The following SF3A3 variants were observed in gnomAD, a reference collection of about 807,000 sequenced individuals.
The protein encoded by SF3A3 is SAP 61.
In SF3A3, 9 loss-of-function variants were observed where a neutral mutation model predicts 85.8. The ratio of observed to expected loss-of-function variants is 0.10; its 90% CI spans 0.06 to 0.18. The LOEUF (loss-of-function observed/expected upper bound fraction) is 0.18, where lower values mean the gene tolerates loss of function less well. Ranked by LOEUF, SF3A3 falls within the 10% of genes least tolerant of loss-of-function variation. The probability of loss-of-function intolerance (pLI) is 1.00; values close to 1 mark genes in which losing one functional copy is unlikely to be tolerated. For missense variants in SF3A3, 306 were observed against 593.3 expected (o/e 0.52, Z 5.03); for synonymous variants, 195 against 204.4 (o/e 0.95, Z 0.39).
intron 16 of SF3A3, among the ~76,000 whole-genome samples, chr1:37,959,654 T>C (rs896128144): frequency 6.6e-6 from 1 of 152,050 alleles, no homozygotes; most frequent in African/African-American, 2.4e-5. Flanking sequence ...TCTCGGCTCA[T>C]GCAACCTCTA....
intron 8 of SF3A3, 102 bp from the exon 9 acceptor site, chr1:37,979,635 T>G: frequency 1.3e-6 from 1 of 757,524 alleles, no homozygotes; most frequent in Non-Finnish European, 2.2e-6. Context: ...ATAGGTGAAT[T>G]GCTTGAGTTC....
chr1:37,979,509 G>T lies in SF3A3; in HGVS notation c.715C>A (p.His239Asn). The T allele has an allele frequency of 6.2e-7, 1 of 1,613,030 alleles. No homozygotes were observed. ...WPKETSSALT[H>N]AGAHLDLSAF... is the part of the protein sequence containing the mutation. ...GAGAGGTCAAGATGGGCTCCAGCAT[G>T]GGTCAGGGCACTGCTTGTCTCTTTC... The change falls in exon 9 of 17, where the codon CAT becomes AAT. Residue 239 changes from histidine to asparagine, a missense_variant. This residue lies in a region of SF3A3 where 136 missense variants were observed against 296.6 expected (regional missense o/e 0.46). Transcript: ENST00000373019.
intron 15 of SF3A3, among the ~76,000 whole-genome samples, chr1:37,965,493 C>T (rs565679155): frequency 3.2e-4 from 49 of 152,248 alleles, no homozygotes; most frequent in Non-Finnish European, 5.3e-4. Flanking sequence ...GGGGATCACG[C>T]CTGCAATCCC....
intron 12 of SF3A3, among the ~76,000 whole-genome samples, chr1:37,974,342 G>A (rs370512123): frequency 1.7e-5 from 2 of 120,994 alleles, no homozygotes; most frequent in East Asian, 2.5e-4. Context: ...TTGCTCTGTC[G>A]CCCAAGCTGG....
chr1:37,987,267 T>C (rs941566433), intron 4 of SF3A3, among the ~76,000 whole-genome samples: 4 of 152,258 alleles, frequency 2.6e-5, no homozygotes, highest in Admixed American at 1.3e-4. Flanking sequence ...TTAGTAGAGG[T>C]TGAGTTTCAC....
rs554990525 is a variant in SF3A3 at position 37,966,366 on chromosome 1, T to C, written c.1372+1678A>G. Among the ~76,000 whole-genome samples the C allele has an allele frequency of 2.1e-4, 32 of 152,302 alleles. 1 individual carries two copies. The South Asian group carries it at 6.0e-3, about 29-fold the overall frequency. On this transcript the variant is annotated intron_variant, in intron 15 of 16. Transcript: ENST00000373019. ...TGCTTCAGCAGCACATTCCCTGACA[T>C]GCACTCCGCTTCACTTTCTTCAAGA...
chr1:37,989,125 T>C (rs1214433291), intron 2 of SF3A3, among the ~76,000 whole-genome samples: 1 of 151,712 alleles, frequency 6.6e-6, no homozygotes, highest in Non-Finnish European at 1.5e-5. Context: ...AGAAACTCCG[T>C]CTCTACTAAA....
At chr1:37,969,216 C>A (rs759458817) in intron 14 of SF3A3, 138 bp downstream of exon 14, 89 of 649,120 alleles carry the variant, frequency 1.4e-4, no homozygotes, top group Non-Finnish European at 2.2e-4. Context: ...ATGCCATGGG[C>A]TTGATTTTAA....
chr1:37,981,903 G>C (rs2148723072), intron 6 of SF3A3, 92 bp from the exon 7 acceptor site: 1 of 770,202 alleles, frequency 1.3e-6, no homozygotes, highest in South Asian at 1.8e-5. Flanking sequence ...GATCAAAATT[G>C]AGTGTTTTCT....
intron 15 of SF3A3, among the ~76,000 whole-genome samples, chr1:37,964,517 G>A (rs921444358): frequency 6.0e-5 from 9 of 151,228 alleles, no homozygotes; most frequent in Non-Finnish European, 1.2e-4. Context: ...TGAGGCAGGA[G>A]AAATCGCTTG....
At chr1:37,975,285 G>A (rs917868379) in intron 12 of SF3A3, among the ~76,000 whole-genome samples, 4 of 152,292 alleles carry the variant, frequency 2.6e-5, no homozygotes, top group African/African-American at 9.6e-5. Flanking sequence ...GGAGGCCAAG[G>A]CAGGCGGATC....
At chr1:37,983,460 C>T (rs1419062057) in intron 6 of SF3A3, among the ~76,000 whole-genome samples, 2 of 150,364 alleles carry the variant, frequency 1.3e-5, no homozygotes, top group South Asian at 2.1e-4. Context: ...TGGCACACGC[C>T]TGTAGTCCCA....
intron 1 of SF3A3, 87 bp from the exon 2 acceptor site, chr1:37,989,682 C>A (rs1327287534): frequency 8.7e-6 from 13 of 1,498,388 alleles, no homozygotes; most frequent in Admixed American, 4.1e-5. Flanking sequence ...ACCCGCTCAG[C>A]TTTTACCAGC....
chr1:37,988,558 AG>A (rs1306092730), intron 2 of SF3A3, among the ~76,000 whole-genome samples: 2 of 152,168 alleles, frequency 1.3e-5, no homozygotes. Flanking sequence ...TAATCACCCA[AG>A]GGGAAAAAAA....
intron 12 of SF3A3, among the ~76,000 whole-genome samples, chr1:37,972,227 G>T (rs1027185378): frequency 6.6e-6 from 1 of 152,162 alleles, no homozygotes; most frequent in African/African-American, 2.4e-5. Context: ...TAAACGGAGA[G>T]CCAAATCATG....
Position 37,957,911 on chromosome 1 carries a change from G to A in SF3A3, c.*275C>T. 1 of 391,382 alleles carries A rather than the reference G, an allele frequency of 2.6e-6. No homozygotes were observed. The highest frequency in any genetic ancestry group is 4.5e-5 in the South Asian group (1 of 22,266). The allele number at this position is 391,382 out of a possible 1,614,324, so 24.2% of individuals were successfully genotyped here. ...GTAAAGTTGGTGAGGAAGAGGTATG[G>A]AGGCGTTAAGACCTGAAGCACTGAG... is the stretch of plus-strand genomic sequence containing the variant. On this transcript the variant is annotated 3_prime_UTR_variant, in exon 17 of 17. Coordinates refer to ENST00000373019, the MANE Select transcript of SF3A3 (RefSeq NM_006802.4).
chr1:37,962,486 C>T (rs1327273964), intron 15 of SF3A3, among the ~76,000 whole-genome samples: 3 of 150,474 alleles, frequency 2.0e-5, no homozygotes, highest in Non-Finnish European at 4.4e-5. Flanking sequence ...GCCTGTAATC[C>T]CTGCTACTTG....
At chr1:37,964,914 T>G (rs1646288727) in intron 15 of SF3A3, among the ~76,000 whole-genome samples, 4 of 152,142 alleles carry the variant, frequency 2.6e-5, no homozygotes, top group Non-Finnish European at 4.4e-5. Flanking sequence ...ATCCTAGCAC[T>G]TTGGGAGGCC....
At chr1:37,960,232 A>G in intron 15 of SF3A3, 57 bp from the exon 16 acceptor site, 2 of 1,488,652 alleles carry the variant, frequency 1.3e-6, no homozygotes, top group Non-Finnish European at 1.9e-6. Context: ...TTGGGTATCC[A>G]GTGTTATAAT....
Sources: gnomAD v4.1 joint callset for allele counts (sites outside exome capture counted in the v4.1 genomes callset) on GRCh38, gnomAD v4.1.1 for gene constraint, gnomAD v4.1.1 regional missense constraint, MANE v1.5 for transcripts, NCBI Gene and HGNC (gene_info 2026-07-23, HGNC 2026-07-21) for gene names.